Variants in PVT1 observed in about 807,000 individuals in gnomAD.
PVT1 encodes CXCR4/PVT1 fusion.
At chr8:127,980,502 G>T (rs557245567) in intron 3 of PVT1, among the ~76,000 whole-genome samples, 46 of 152,164 alleles carry the variant, frequency 3.0e-4, no homozygotes, top group African/African-American at 9.4e-4. Context: ...CCTAGAAGGT[G>T]GCTTATTGAG....
intron 2 of PVT1, among the ~76,000 whole-genome samples, chr8:127,876,875 C>T (rs1815411448): frequency 6.6e-6 from 1 of 152,236 alleles, no homozygotes; most frequent in South Asian, 2.1e-4. Context: ...AATCCTTGGG[C>T]AAGCTAGATG....
chr8:127,951,848 C>CTTTTTTTTTTTT, intron 3 of PVT1, among the ~76,000 whole-genome samples: 1 of 150,302 alleles, frequency 6.7e-6, no homozygotes. Context: ...TGGAGTCTCA[C>CTTTTTTTTTTTT]TCTGTTGCCC....
intron 2 of PVT1, among the ~76,000 whole-genome samples, chr8:127,834,972 A>G (rs1309624367): frequency 2.0e-5 from 3 of 152,226 alleles, no homozygotes; most frequent in African/African-American, 7.2e-5. Context: ...ATGTGGAGAA[A>G]TAGGGACGCT....
At chr8:128,094,167 A>G (rs1814397887) in intron 5 of PVT1, among the ~76,000 whole-genome samples, 1 of 152,158 alleles carries the variant, frequency 6.6e-6, no homozygotes, top group Non-Finnish European at 1.5e-5. Flanking sequence ...TCAGCAAACT[A>G]TGATCCGCAA....
At chr8:128,075,457 A>T (rs557837699) in intron 5 of PVT1, among the ~76,000 whole-genome samples, 1 of 152,254 alleles carries the variant, frequency 6.6e-6, no homozygotes, top group Admixed American at 6.5e-5. Context: ...TTTTAAAAAA[A>T]AATCTTTTAT....
intron 3 of PVT1, among the ~76,000 whole-genome samples, chr8:127,950,107 A>G (rs1016632241): frequency 3.3e-5 from 5 of 152,232 alleles, no homozygotes; most frequent in African/African-American, 1.2e-4. Context: ...GGCACTTTAC[A>G]TGAATCTTCT....
At chr8:128,050,243 CT>C (rs1185520062) in intron 4 of PVT1, among the ~76,000 whole-genome samples, 7 of 152,206 alleles carry the variant, frequency 4.6e-5, no homozygotes, top group African/African-American at 1.7e-4. Flanking sequence ...CTTCCCCAAC[CT>C]CTCCCATCCC....
chr8:127,814,624 A>G (rs1003549195), intron 2 of PVT1, among the ~76,000 whole-genome samples: 12 of 152,212 alleles, frequency 7.9e-5, no homozygotes, highest in Admixed American at 7.9e-4. Flanking sequence ...TGAGGCACAG[A>G]CAGTTTATTT....
Position 128,057,265 on chromosome 8 carries a change from C to G in PVT1, n.913-12895C>G, listed in dbSNP as rs1344741529. Among the ~76,000 whole-genome samples, 5 of 135,206 alleles carry G rather than the reference C, an allele frequency of 3.7e-5. No individual in the cohort carries two copies. In the East Asian group the frequency reaches 9.4e-4, roughly 25 times the overall value. The allele number at this position is 135,206 out of a possible 152,430, so 88.7% of individuals were successfully genotyped here. The stretch of plus-strand genomic sequence containing the variant: ...TATACAAACGTTGCTTTTCTTATTA[C>G]TTACCATGTAGAAAAGGTATTATTA... On this transcript the variant is annotated intron_variant and non_coding_transcript_variant, in intron 4 of 10. Transcript: ENST00000651587.
chr8:127,846,838 A>ATT (rs561950021), intron 2 of PVT1, among the ~76,000 whole-genome samples: 3 of 143,690 alleles, frequency 2.1e-5, no homozygotes, highest in Non-Finnish European at 1.5e-5. Context: ...CACCCAGCAA[A>ATT]TTTTTTTTTT....
intron 6 of PVT1, among the ~76,000 whole-genome samples, chr8:128,099,014 C>T (rs1466831017): frequency 6.6e-6 from 1 of 152,182 alleles, no homozygotes; most frequent in Non-Finnish European, 1.5e-5. Context: ...CTTCCTTTGC[C>T]CTTACTACAT....
intron 4 of PVT1, among the ~76,000 whole-genome samples, chr8:128,000,085 T>C (rs186980955): frequency 1.3e-5 from 2 of 152,306 alleles, no homozygotes; most frequent in Non-Finnish European, 2.9e-5. Flanking sequence ...CCTGTCCTCC[T>C]ACTGACAGCC....
rs138447456 is a variant in PVT1, at chr8:127,905,840, C to T, written n.782+14842C>T. Among the ~76,000 whole-genome samples, 239 of 152,294 alleles carry T rather than the reference C, an allele frequency of 1.6e-3. 1 individual carries two copies. The highest frequency in any genetic ancestry group is 9.1e-3 in the East Asian group (47 of 5,188). On this transcript the variant is annotated intron_variant and non_coding_transcript_variant, in intron 3 of 10. Transcript: ENST00000651587. ...GCATGTGCAAGAGTGCACTGGCTTT[C>T]GGGGCCTGAGCTGGCTGGCCTGGAT...
At chr8:128,022,959 T>C (rs1450311039) in intron 4 of PVT1, among the ~76,000 whole-genome samples, 1 of 151,336 alleles carries the variant, frequency 6.6e-6, no homozygotes, top group Non-Finnish European at 1.5e-5. Context: ...CTCCACCTCC[T>C]GGGTTCAAGC....
intron 5 of PVT1, among the ~76,000 whole-genome samples, chr8:128,092,844 A>T (rs2720678): frequency 1 from 152,241 of 152,242 alleles, 76,120 homozygotes; most frequent in Middle Eastern, 1. Flanking sequence ...ACCAACCTAA[A>T]TACTTTTGCA....
intron 5 of PVT1, among the ~76,000 whole-genome samples, chr8:128,091,105 G>A (rs182168119): frequency 3.5e-4 from 54 of 152,256 alleles, no homozygotes; most frequent in African/African-American, 1.2e-3. Context: ...TGAGTGCTCC[G>A]TGAATGTTAG....
At chr8:127,908,919 GCTTT>G (rs1815857184) in intron 3 of PVT1, among the ~76,000 whole-genome samples, 1 of 152,162 alleles carries the variant, frequency 6.6e-6, no homozygotes, top group African/African-American at 2.4e-5. Context: ...TCCAATTTCA[GCTTT>G]GAACCCAGCT....
chr8:128,055,394 A>G (rs1813751075), intron 4 of PVT1, among the ~76,000 whole-genome samples: 1 of 152,236 alleles, frequency 6.6e-6, no homozygotes. Context: ...CTCCTTATCA[A>G]TAAAATGGAA....
intron 2 of PVT1, among the ~76,000 whole-genome samples, chr8:127,873,996 T>A (rs1308539742): frequency 6.6e-6 from 1 of 152,176 alleles, no homozygotes; most frequent in East Asian, 1.9e-4. Flanking sequence ...ATCTGGGAGA[T>A]GTAGAATTTA....
Sources: allele counts gnomAD v4.1 joint callset (sites outside exome capture counted in the v4.1 genomes callset), GRCh38; gene constraint gnomAD v4.1.1; transcripts MANE v1.5; gene names NCBI Gene and HGNC (gene_info 2026-07-23, HGNC 2026-07-21).